SCN9A: variants seen among roughly 807,000 people sequenced by gnomAD.
SCN9A encodes sodium channel protein type 9 subunit alpha.
Under a neutral mutation model 187.0 loss-of-function variants are expected in SCN9A, and 131 were observed. The observed-to-expected ratio is 0.70, with a 90% CI of 0.61 to 0.81. The LOEUF (loss-of-function observed/expected upper bound fraction) is 0.81. SCN9A is among the 30% of genes least tolerant of loss of function. The pLI, the probability that SCN9A is intolerant of heterozygous loss-of-function variation, is 0.00. For synonymous variants in SCN9A, 809 were observed against 808.6 expected, an observed-to-expected ratio of 1.00 and a Z score of -0.01; for missense variants, 2,252 against 2,396.6, an observed-to-expected ratio of 0.94 and a Z score of 1.26.
At chr2:166,354,591 A>T (rs1253155517) in intron 1 of SCN9A, among the ~76,000 whole-genome samples, 1 of 152,214 alleles carries the variant, frequency 6.6e-6, no homozygotes, top group Non-Finnish European at 1.5e-5. Context: ...ATATTTAAGG[A>T]CAAATTGCCA....
intron 24 of SCN9A, among the ~76,000 whole-genome samples, chr2:166,215,493 A>G (rs1311354140): frequency 6.6e-6 from 1 of 152,102 alleles, no homozygotes; most frequent in African/African-American, 2.4e-5. Flanking sequence ...TGTTTTTTTG[A>G]AAAGATAAAA....
chr2:166,320,002 A>G (rs1226148552), intron 1 of SCN9A, among the ~76,000 whole-genome samples: 2 of 152,144 alleles, frequency 1.3e-5, no homozygotes, highest in Non-Finnish European at 2.9e-5. Context: ...GAATTTGAGA[A>G]TGGGGCAGAA....
chr2:166,250,293 T>A (rs1302273922), intron 18 of SCN9A, among the ~76,000 whole-genome samples: 1 of 152,164 alleles, frequency 6.6e-6, no homozygotes, highest in Non-Finnish European at 1.5e-5. Context: ...GTCATTAGCA[T>A]CTGTGCTATC....
intron 24 of SCN9A, among the ~76,000 whole-genome samples, chr2:166,215,731 C>A (rs1417992562): frequency 7.6e-6 from 1 of 132,194 alleles, no homozygotes; most frequent in Non-Finnish European, 1.6e-5. Context: ...CTGAACAAAC[C>A]AATACTGGAT....
intron 9 of SCN9A, among the ~76,000 whole-genome samples, chr2:166,290,852 C>A (rs1381545429): frequency 1.3e-5 from 2 of 152,072 alleles, no homozygotes; most frequent in Non-Finnish European, 2.9e-5. Context: ...TCAATAGATG[C>A]AGAGAAGGTC....
At chr2:166,290,997 A>C (rs1219396168) in intron 9 of SCN9A, among the ~76,000 whole-genome samples, 5 of 152,206 alleles carry the variant, frequency 3.3e-5, no homozygotes, top group Non-Finnish European at 1.5e-5. Context: ...AAAAGCTGGA[A>C]GCATTCCCTT....
rs748702835 is a variant in SCN9A at position 166,199,236 on chromosome 2, T to A, written c.5403A>T (p.Lys1801Asn). The A allele has an allele frequency of 5.6e-6, 9 of 1,613,850 alleles. No homozygotes were observed. Among genetic ancestry groups the A allele is most frequent in the Non-Finnish European group, 5.9e-6 (7 of 1,180,014 alleles). ...CCAGGGCAGCTGCAAAATCAGAGAG[T>A]TTAGAGAACTCTATAAACTGGGTCG... is the stretch of plus-strand genomic sequence containing the variant. ...PDATQFIEFS[K>N]LSDFAAALDP... The change falls in exon 27 of 27, where the codon AAA (lysine) becomes AAT (asparagine). Residue 1801 changes from lysine (K) to asparagine (N), a missense_variant. Physicochemically the swap from Lys to Asn is moderately conservative, Grantham distance 94 (BLOSUM62 0). Transcript: ENST00000642356.
chr2:166,347,913 C>T (rs1363473638), intron 1 of SCN9A, among the ~76,000 whole-genome samples: 1 of 151,946 alleles, frequency 6.6e-6, no homozygotes, highest in African/African-American at 2.4e-5. Context: ...TAAAAAAAAA[C>T]ACATAGGATC....
chr2:166,372,262 ATTTGGATAAT>A (rs1463778009), intron 1 of SCN9A, among the ~76,000 whole-genome samples: 1 of 152,176 alleles, frequency 6.6e-6, no homozygotes, highest in African/African-American at 2.4e-5. Context: ...TGCTTCAAAT[ATTTGGATAAT>A]GTGCCCTTTG....
In SCN9A at chr2:166,321,255, C is replaced by T. The variant is rs370750101; in HGVS notation, c.-50-9449G>A. On this transcript the variant is annotated intron_variant, in intron 1 of 26. Coordinates refer to ENST00000642356, the MANE Select transcript of SCN9A (RefSeq NM_001365536.1). ...ATTCAATAGACCAGGCACAGTGGCT[C>T]GTGCCTGTAATTCCAACATTTTCGG... Among the ~76,000 whole-genome samples the T allele has an allele frequency of 4.6e-4, 70 of 152,238 alleles. No individual in the cohort carries two copies. The South Asian group carries it at 0.014, about 31-fold the overall frequency.
At chr2:166,299,008 C>T (rs895706709) in intron 7 of SCN9A, among the ~76,000 whole-genome samples, 2 of 152,132 alleles carry the variant, frequency 1.3e-5, no homozygotes, top group Non-Finnish European at 2.9e-5. Flanking sequence ...GAAATAAAAA[C>T]CATTGGGTTT....
At chr2:166,215,051 A>G (rs956835971) in intron 24 of SCN9A, among the ~76,000 whole-genome samples, 3 of 152,208 alleles carry the variant, frequency 2.0e-5, no homozygotes, top group African/African-American at 7.2e-5. Context: ...ATGTTAGGCC[A>G]CCAAACAAGT....
rs201198963 is a variant in SCN9A at position 166,311,757 on chromosome 2, C to A, written c.-1G>T. The A allele has an allele frequency of 3.1e-5, 49 of 1,591,516 alleles. No homozygotes were observed. In the African/African-American group the frequency reaches 4.2e-4, roughly 14 times the overall value. On this transcript the variant is annotated 5_prime_UTR_variant, in exon 2 of 27. Coordinates refer to ENST00000642356, the MANE Select transcript of SCN9A (RefSeq NM_001365536.1). Reference sequence around the variant, plus strand: ...GTCCTGGGGGAGGCAACATTGCCATCTTTTCATCCTGTATATTTTAATTCC... The same window carrying A: ...GTCCTGGGGGAGGCAACATTGCCATATTTTCATCCTGTATATTTTAATTCC...
intron 17 of SCN9A, among the ~76,000 whole-genome samples, chr2:166,255,741 C>T (rs991328207): frequency 4.6e-5 from 7 of 151,328 alleles, no homozygotes; most frequent in East Asian, 3.9e-4. Context: ...GTTATTTCAC[C>T]TGAGCCTTAA....
intron 12 of SCN9A, among the ~76,000 whole-genome samples, chr2:166,283,764 TAAATTTTTTCA>T (rs1208920168): frequency 2.6e-5 from 4 of 152,316 alleles, no homozygotes; most frequent in African/African-American, 9.6e-5. Flanking sequence ...ATAGCCATTC[TAAATTTTTTCA>T]AGATAAGAAG....
chr2:166,210,862 C>G (rs1389525603), intron 24 of SCN9A, among the ~76,000 whole-genome samples: 2 of 151,982 alleles, frequency 1.3e-5, no homozygotes, highest in African/African-American at 4.8e-5. Flanking sequence ...GAGTTCAAGA[C>G]CAGCCTGGCC....
chr2:166,269,211 T>C lies in SCN9A; in HGVS notation c.3351+3188A>G, dbSNP rs139160285. ...TCAGTTTATAGGGCACTAGATTTCA[T>C]ACGCTTTCGGAAGGGCTCATGGAAT... On this transcript the variant is annotated intron_variant, in intron 17 of 26. Coordinates refer to ENST00000642356, the MANE Select transcript of SCN9A (RefSeq NM_001365536.1). Among the ~76,000 whole-genome samples, 706 of 152,126 alleles carry C rather than the reference T, an allele frequency of 4.6e-3. 2 individuals are homozygous for C. Among genetic ancestry groups the C allele is most frequent in the African/African-American group, 0.016 (676 of 41,558 alleles).
At chr2:166,271,120 ATT>A (rs1489380979) in intron 17 of SCN9A, among the ~76,000 whole-genome samples, 1 of 152,108 alleles carries the variant, frequency 6.6e-6, no homozygotes, top group Non-Finnish European at 1.5e-5. Context: ...TTACAGTACT[ATT>A]TGATGCATAC....
chr2:166,232,170 G>A (rs908450735), intron 21 of SCN9A, among the ~76,000 whole-genome samples: 3 of 152,212 alleles, frequency 2.0e-5, no homozygotes, highest in South Asian at 2.1e-4. Context: ...CAACACATGA[G>A]GATATGGACT....
Sources: allele counts gnomAD v4.1 joint callset (sites outside exome capture counted in the v4.1 genomes callset), GRCh38; gene constraint gnomAD v4.1.1; transcripts MANE v1.5; gene names NCBI Gene and HGNC (gene_info 2026-07-23, HGNC 2026-07-21).